The following MALRD1 variants were observed in gnomAD, a reference collection of about 807,000 sequenced individuals.
The protein encoded by MALRD1 is MAM and LDL receptor class A domain containing 1, also known as MAM and LDL-receptor class A domain-containing protein 1.
MALRD1 carries 247 observed loss-of-function variants against 242.1 expected under a neutral mutation model. The observed-to-expected ratio is 1.02, with a 90% CI of 0.92 to 1.13. The LOEUF is 1.13. Ranked by LOEUF, MALRD1 falls within the 50% of genes most tolerant of loss-of-function variation. The pLI is 0.00. For missense variants in MALRD1, 2,989 were observed against 2,533.1 expected (o/e 1.18, Z -3.86); for synonymous variants, 995 against 866.6 (o/e 1.15, Z -2.60).
At position 19,070,453 on chromosome 10, in the gene MALRD1, A is replaced by C. The variant is rs138910968; in HGVS notation, c.340+3594A>C. ...ATATATCACTTTTTCACCATCATAA[A>C]GCAGAAAAATCCTAAGTGGAACCAT... On this transcript the variant is annotated intron_variant, in intron 2 of 39. Transcript: ENST00000454679. Among the ~76,000 whole-genome samples, 534 of 152,330 alleles carry C rather than the reference A, an allele frequency of 3.5e-3. 2 individuals are homozygous for C. Among genetic ancestry groups the C allele is most frequent in the Non-Finnish European group, 4.2e-3 (284 of 68,022 alleles).
At chr10:19,558,044 T>C (rs3904893) in intron 32 of MALRD1, among the ~76,000 whole-genome samples, 129,441 of 151,844 alleles carry the variant, frequency 0.85, 55,202 homozygotes, top group African/African-American at 0.87. Flanking sequence ...ATTTTGAATT[T>C]CAATTGTTCA....
chr10:19,222,251 C>T (rs1018030457), intron 18 of MALRD1, among the ~76,000 whole-genome samples: 4 of 152,146 alleles, frequency 2.6e-5, no homozygotes, highest in Middle Eastern at 3.4e-3. Context: ...ACTGCCAAGC[C>T]CCCTCACCCA....
intron 18 of MALRD1, among the ~76,000 whole-genome samples, chr10:19,213,208 G>T (rs1463488218): frequency 6.6e-6 from 1 of 151,844 alleles, no homozygotes; most frequent in South Asian, 2.1e-4. Context: ...CTCTCCTTTG[G>T]GAACTGAGAT....
At position 19,450,362 on chromosome 10, in the gene MALRD1, A is replaced by T; in HGVS notation, c.4901A>T (p.His1634Leu). 6.5e-7 allele frequency: 1 copy of T among 1,549,874 alleles called. No homozygotes were observed. Among genetic ancestry groups the T allele is most frequent in the Non-Finnish European group, 8.7e-7 (1 of 1,146,942 alleles). The change falls in exon 29 of 40, where the codon CAT becomes CTT. Residue 1634 changes from histidine (H) to leucine (L), a missense_variant. Coordinates refer to ENST00000454679, the MANE Select transcript of MALRD1 (RefSeq NM_001142308.3). ...WQESKQNPGN[H>L]WQKADILLGK... ...GAAAGTAAGCAGAACCCTGGTAATC[A>T]TTGGCAAAAGGCTGACATCCTGCTA...
chr10:19,370,126 T>C (rs1588976965), intron 26 of MALRD1, among the ~76,000 whole-genome samples: 1 of 152,262 alleles, frequency 6.6e-6, no homozygotes, highest in Admixed American at 6.5e-5. Context: ...CATTTACCTA[T>C]TGATTGCCTG....
At chr10:19,112,149 GA>G (rs537626777) in intron 5 of MALRD1, among the ~76,000 whole-genome samples, 1 of 127,106 alleles carries the variant, frequency 7.9e-6, no homozygotes, top group Non-Finnish European at 1.7e-5. Context: ...AGATTCTCAG[GA>G]TTTTTTTTTT....
chr10:19,237,563 T>A (rs942016516), intron 18 of MALRD1, among the ~76,000 whole-genome samples: 2 of 121,838 alleles, frequency 1.6e-5, no homozygotes. Flanking sequence ...TAATTACACA[T>A]AAAATTATAT....
chr10:19,327,554 T>C lies in MALRD1; in HGVS notation c.3577-9T>C, dbSNP rs996274668. On this transcript the variant is annotated splice_polypyrimidine_tract_variant and intron_variant, in intron 22 of 39. Coordinates refer to ENST00000454679, the MANE Select transcript of MALRD1 (RefSeq NM_001142308.3). ...ACTTCAGTGCCTTTTACTTGATTTATCTCTATAGGTGCTCATCAAGAAAGA... is the reference window on the plus strand; with the variant it reads ...ACTTCAGTGCCTTTTACTTGATTTACCTCTATAGGTGCTCATCAAGAAAGA... 1.9e-6 allele frequency: 3 copies of C among 1,540,090 alleles called. No individual in the cohort carries two copies. Among genetic ancestry groups the C allele is most frequent in the Non-Finnish European group, 2.6e-6 (3 of 1,138,560 alleles).
At chr10:19,553,001 T>A (rs1364796672) in intron 32 of MALRD1, among the ~76,000 whole-genome samples, 1 of 152,184 alleles carries the variant, frequency 6.6e-6, no homozygotes, top group Non-Finnish European at 1.5e-5. Context: ...CGGAAAAAGC[T>A]ATAGTAGCCA....
At chr10:19,646,945 C>T (rs1312154960) in intron 36 of MALRD1, among the ~76,000 whole-genome samples, 1 of 152,088 alleles carries the variant, frequency 6.6e-6, no homozygotes, top group Non-Finnish European at 1.5e-5. Context: ...CTGCTGAGCA[C>T]TGAGTGATCA....
chr10:19,568,467 G>A (rs1298479038), intron 33 of MALRD1, among the ~76,000 whole-genome samples: 1 of 151,914 alleles, frequency 6.6e-6, no homozygotes, highest in Non-Finnish European at 1.5e-5. Flanking sequence ...TCAAAATCCT[G>A]GGCAATTTCA....
At chr10:19,461,516 A>G (rs753813257) in intron 29 of MALRD1, among the ~76,000 whole-genome samples, 2 of 152,214 alleles carry the variant, frequency 1.3e-5, no homozygotes, top group African/African-American at 2.4e-5. Flanking sequence ...AATCAAGAAT[A>G]TGGTACAACG....
At chr10:19,072,623 G>T (rs1263161874) in intron 2 of MALRD1, among the ~76,000 whole-genome samples, 1 of 151,950 alleles carries the variant, frequency 6.6e-6, no homozygotes, top group African/African-American at 2.4e-5. Flanking sequence ...AATGAATAAA[G>T]AATATAATTC....
intron 33 of MALRD1, among the ~76,000 whole-genome samples, chr10:19,591,962 CAA>C (rs1487512985): frequency 6.6e-6 from 1 of 152,106 alleles, no homozygotes; most frequent in African/African-American, 2.4e-5. Flanking sequence ...TAGGTTAAAA[CAA>C]GAGATAAAAG....
intron 4 of MALRD1, among the ~76,000 whole-genome samples, chr10:19,096,165 A>G (rs1299682593): frequency 6.6e-6 from 1 of 152,198 alleles, no homozygotes. Flanking sequence ...CTTGTAGGTC[A>G]AACCTTTCAA....
intron 31 of MALRD1, among the ~76,000 whole-genome samples, chr10:19,504,670 T>G (rs1838122406): frequency 1.2e-5 from 1 of 86,340 alleles, no homozygotes; most frequent in South Asian, 3.6e-4. Context: ...ACACATTTTT[T>G]TTTTTTTTTT....
intron 36 of MALRD1, among the ~76,000 whole-genome samples, chr10:19,643,050 G>A (rs1047308096): frequency 6.6e-6 from 1 of 152,184 alleles, no homozygotes; most frequent in Non-Finnish European, 1.5e-5. Flanking sequence ...TAGTGATCAA[G>A]TCCAGTTGTC....
At chr10:19,660,762 A>G (rs1233617068) in intron 36 of MALRD1, among the ~76,000 whole-genome samples, 1 of 152,164 alleles carries the variant, frequency 6.6e-6, no homozygotes, top group Non-Finnish European at 1.5e-5. Context: ...ACATTTTCAT[A>G]AAAGAGAAAC....
chr10:19,459,867 A>G (rs899797289), intron 29 of MALRD1, among the ~76,000 whole-genome samples: 3 of 151,732 alleles, frequency 2.0e-5, no homozygotes, highest in Non-Finnish European at 4.4e-5. Flanking sequence ...TACATTATTA[A>G]GAAAAAATAA....
Sources: gnomAD v4.1 joint callset for allele counts (sites outside exome capture counted in the v4.1 genomes callset) on GRCh38, gnomAD v4.1.1 for gene constraint, MANE v1.5 for transcripts, NCBI Gene and HGNC (gene_info 2026-07-23, HGNC 2026-07-21) for gene names.